TMEM259: variants seen among roughly 807,000 people sequenced by gnomAD.
TMEM259 encodes the protein membralin.
A neutral mutation model predicts 46.7 loss-of-function variants in TMEM259; 26 were observed. That is an observed-to-expected ratio of 0.56 (90% confidence interval 0.41 to 0.77). The LOEUF is 0.77. Among genes scored for constraint, TMEM259 ranks in the 30% least tolerant of loss-of-function variants. The probability of loss-of-function intolerance (pLI) is 0.00; values close to 1 mark genes in which losing one functional copy is unlikely to be tolerated. For missense variants in TMEM259, 930 were observed against 900.5 expected, an observed-to-expected ratio of 1.03 and a Z score of -0.42; for synonymous variants, 494 against 395.1, an observed-to-expected ratio of 1.25 and a Z score of -2.97.
Position 1,010,325 on chromosome 19 carries a change from G to C in TMEM259, c.*25C>G. ...GGAAGGTCAGGCCCAGCCAGCAGGG[G>C]TCAGAGGCGGCTCAGCTGTGCGGCT... is the stretch of plus-strand genomic sequence containing the variant. On this transcript the variant is annotated 3_prime_UTR_variant, in exon 11 of 11. Transcript: ENST00000356663. 1 of 1,452,226 alleles carries C rather than the reference G, an allele frequency of 6.9e-7. No individual in the cohort carries two copies. 90.0% of individuals were successfully genotyped at this position (1,452,226 alleles called of 1,614,324 possible).
intron 1 of TMEM259, among the ~76,000 whole-genome samples, chr19:1,017,615 C>G (rs1041913674): frequency 6.6e-6 from 1 of 152,170 alleles, no homozygotes; most frequent in African/African-American, 2.4e-5. Context: ...CCGTGCTCAC[C>G]GCCTCCTCCA....
At chr19:1,013,461 AC>A in intron 2 of TMEM259, 121 bp from the exon 3 acceptor site, 1 of 983,868 alleles carries the variant, frequency 1.0e-6, no homozygotes, top group Non-Finnish European at 1.5e-6. Flanking sequence ...CCCACCACTG[AC>A]CAGGCCAGGG....
Position 1,014,216 on chromosome 19 carries a change from C to T in TMEM259, c.483G>A (p.Glu161=), listed in dbSNP as rs775488868. 5.0e-6 allele frequency: 8 copies of T among 1,610,008 alleles called. No homozygotes were observed. Among genetic ancestry groups the T allele is most frequent in the Non-Finnish European group, 6.8e-6 (8 of 1,176,958 alleles). Residue 161 remains glutamate, a synonymous_variant, in exon 2 of 11, where the codon GAG becomes GAA. Coordinates refer to ENST00000356663, the MANE Select transcript of TMEM259 (RefSeq NM_001033026.2). ...CCTTGATGGAGCTGTTCCCAAACATCTCCATGGTCAGCTCTTCCTCCTCCT... is the reference window on the plus strand; with the variant it reads ...CCTTGATGGAGCTGTTCCCAAACATTTCCATGGTCAGCTCTTCCTCCTCCT... ...EDEEEEELTM[E]MFGNSSIKFE...
At chr19:1,011,239 G>A in intron 9 of TMEM259, 44 bp from the exon 10 acceptor site, 1 of 1,550,524 alleles carries the variant, frequency 6.4e-7, no homozygotes, top group Non-Finnish European at 8.7e-7. Flanking sequence ...GTCCCACCCT[G>A]CCAGGCCCAG....
In TMEM259 at chr19:1,010,421, C is replaced by A; in HGVS notation, c.1792G>T (p.Gly598Trp). 6.5e-7 allele frequency: 1 copy of A among 1,531,964 alleles called. No homozygotes were observed. The highest frequency in any genetic ancestry group is 2.4e-5 in the East Asian group (1 of 41,380). 94.9% of individuals were successfully genotyped at this position (1,531,964 alleles called of 1,614,324 possible). A position where few individuals can be genotyped will look rare whatever the true frequency, so the allele number is the denominator to read the frequency against. ...DSAASDTTPL[G>W]AAVGGPSPAS... ...GGGCTAGGCCCGCCTACCGCAGCCCCCAGGGGAGTTGTGTCAGAAGCTGCG... is the reference window on the plus strand; with the variant it reads ...GGGCTAGGCCCGCCTACCGCAGCCCACAGGGGAGTTGTGTCAGAAGCTGCG... Residue 598 changes from glycine to tryptophan, a missense_variant, in exon 11 of 11, where the codon GGG becomes TGG. Transcript: ENST00000356663.
intron 6 of TMEM259, 34 bp from the exon 7 acceptor site, chr19:1,011,832 C>A (rs1375199663): frequency 7.6e-6 from 12 of 1,586,530 alleles, no homozygotes; most frequent in Non-Finnish European, 1.0e-5. Context: ...CTATGAGGGG[C>A]TGCGAGGGCC....
chr19:1,015,223 G>A (rs1006946670), intron 1 of TMEM259, among the ~76,000 whole-genome samples: 2 of 152,222 alleles, frequency 1.3e-5, no homozygotes, highest in Non-Finnish European at 2.9e-5. Context: ...TGCCGTGCCC[G>A]AGGCACAACC....
At position 1,014,449 on chromosome 19, in the gene TMEM259, C is replaced by T. The variant is rs1267109559; in HGVS notation, c.250G>A (p.Ala84Thr). The T allele has an allele frequency of 6.2e-7, 1 of 1,610,982 alleles. No individual in the cohort carries two copies. Among genetic ancestry groups the T allele is most frequent in the Non-Finnish European group, 8.5e-7 (1 of 1,179,458 alleles). Residue 84 changes from alanine (A) to threonine (T), a missense_variant, in exon 2 of 11, where the codon GCC (alanine) becomes ACC (threonine). Ala to Thr is a moderately conservative substitution (Grantham distance 58, BLOSUM62 0). Coordinates refer to ENST00000356663, the MANE Select transcript of TMEM259 (RefSeq NM_001033026.2). ...LKALFVLFVL[A>T]YIHIVFSRSP... is the part of the protein sequence containing the mutation. ...CGGGAGAAGACGATGTGGATGTAGG[C>T]CAGGACGAAGAGCACAAACAGGGCC...
At position 1,010,697 on chromosome 19, in the gene TMEM259, A is replaced by G; in HGVS notation, c.1516T>C (p.Ser506Pro). The G allele has an allele frequency of 6.5e-7, 1 of 1,530,132 alleles. No individual in the cohort carries two copies. The highest frequency in any genetic ancestry group is 1.4e-5 in the African/African-American group (1 of 72,544). 94.8% of individuals were successfully genotyped at this position (1,530,132 alleles called of 1,614,324 possible). The change falls in exon 11 of 11, where the codon TCG becomes CCG. Residue 506 changes from serine to proline, a missense_variant. Coordinates refer to ENST00000356663, the MANE Select transcript of TMEM259 (RefSeq NM_001033026.2). ...AGQPPALGPV[S>P]PGASGSPGPV... is the part of the protein sequence containing the mutation. ...CCGGGACTCCCGCTGGCCCCAGGCG[A>G]GACGGGGCCCAGGGCGGGGGGCTGG... is the stretch of plus-strand genomic sequence containing the variant.
At chr19:1,013,430 A>T (rs2039005525) in intron 2 of TMEM259, 90 bp from the exon 3 acceptor site, 2 of 1,343,252 alleles carry the variant, frequency 1.5e-6, no homozygotes, top group Non-Finnish European at 2.1e-6. Context: ...ATGGGAAGGG[A>T]CTGGAAGCCT....
At chr19:1,014,691 G>A (rs1568405422) in intron 1 of TMEM259, among the ~76,000 whole-genome samples, 1 of 152,196 alleles carries the variant, frequency 6.6e-6, no homozygotes, top group Admixed American at 6.5e-5. Flanking sequence ...TGAGGATCCG[G>A]GGGACGCCCC....
Position 1,009,798 on chromosome 19 carries a change from C to G in TMEM259, c.*552G>C, listed in dbSNP as rs11540365. 3.3e-3 allele frequency: 1,657 copies of G among 497,648 alleles called. 11 individuals carry two copies. The highest frequency in any genetic ancestry group is 0.01 in the Middle Eastern group (19 of 1,844). The allele number at this position is 497,648 out of a possible 1,614,324, so 30.8% of individuals were successfully genotyped here. On this transcript the variant is annotated 3_prime_UTR_variant, in exon 11 of 11. Transcript: ENST00000356663. ...TCCATCCCCGAGTGGGACTGGACCA[C>G]GGCCCTGGCTGCTGCCACTGATGTT... is the stretch of plus-strand genomic sequence containing the variant.
At chr19:1,013,628 C>T in intron 2 of TMEM259, 1 of 373,522 alleles carries the variant, frequency 2.7e-6, no homozygotes, top group South Asian at 3.4e-5. Context: ...GATGCTCTGC[C>T]CAAACACTCA....
At position 1,014,403 on chromosome 19, in the gene TMEM259, T is replaced by G. The variant is rs2039040537; in HGVS notation, c.296A>C (p.Glu99Ala). Residue 99 changes from glutamate (E) to alanine (A), a missense_variant, in exon 2 of 11, where the codon GAG (glutamate) becomes GCG (alanine). By Grantham distance (107) the Glu-to-Ala change is moderately radical (BLOSUM62 -1). Coordinates refer to ENST00000356663, the MANE Select transcript of TMEM259 (RefSeq NM_001033026.2). ...ACGCGGCCACTTGTCACGCACATGC[T>G]CCAGGCAGTTGATGGGCGAGCGGGA... The part of the protein sequence containing the change: ...VFSRSPINCL[E>A]HVRDKWPREG... 1.9e-6 allele frequency: 3 copies of G among 1,612,602 alleles called. No homozygotes were observed. The highest frequency in any genetic ancestry group is 2.2e-5 in the South Asian group (2 of 91,066).
At chr19:1,011,221 G>A (rs559628751) in intron 9 of TMEM259, 26 bp from the exon 10 acceptor site, 12 of 1,563,046 alleles carry the variant, frequency 7.7e-6, no homozygotes, top group South Asian at 5.8e-5. Context: ...AGGGCGTCGG[G>A]GCTGCAGGTC....
Position 1,011,807 on chromosome 19 carries a change from G to A in TMEM259, c.943-9C>T, listed in dbSNP as rs898845386. On this transcript the variant is annotated splice_polypyrimidine_tract_variant and intron_variant, in intron 6 of 10. Coordinates refer to ENST00000356663, the MANE Select transcript of TMEM259 (RefSeq NM_001033026.2). The stretch of plus-strand genomic sequence containing the variant: ...ATGGACACGCTCAGCGTCTGCAAGG[G>A]GCGCGCAGGAAGCGCTATGAGGGGC... 5 of 1,583,682 alleles carry A rather than the reference G, an allele frequency of 3.2e-6. No individual in the cohort carries two copies. The highest frequency in any genetic ancestry group is 1.7e-4 in the Middle Eastern group (1 of 6,034).
At position 1,011,426 on chromosome 19, in the gene TMEM259, G is replaced by C; in HGVS notation, c.1158C>G (p.Leu386=). ...TAFYIILIVW[L]ADQYDAICCH... ...AGCAGATGGCGTCATACTGGTCCGCGAGCCACACGATGAGGATGATGTAGA... is the reference window on the plus strand; with the variant it reads ...AGCAGATGGCGTCATACTGGTCCGCCAGCCACACGATGAGGATGATGTAGA... Residue 386 remains leucine (L), a synonymous_variant, in exon 9 of 11, where the codon CTC becomes CTG. Coordinates refer to ENST00000356663, the MANE Select transcript of TMEM259 (RefSeq NM_001033026.2). The C allele has an allele frequency of 1.9e-6, 3 of 1,571,502 alleles. No individual in the cohort carries two copies. The highest frequency in any genetic ancestry group is 4.7e-5 in the East Asian group (2 of 42,390).
chr19:1,016,440 G>A (rs983724842), intron 1 of TMEM259, among the ~76,000 whole-genome samples: 3 of 152,338 alleles, frequency 2.0e-5, no homozygotes, highest in South Asian at 2.1e-4. Flanking sequence ...AGAGGGGCCC[G>A]CGAGGCCCAT....
intron 1 of TMEM259, among the ~76,000 whole-genome samples, chr19:1,015,866 T>C (rs1260698722): frequency 6.6e-6 from 1 of 152,132 alleles, no homozygotes; most frequent in Non-Finnish European, 1.5e-5. Flanking sequence ...CAGAACCCTC[T>C]GTAGACTGAG....
Sources: gnomAD v4.1 joint callset for allele counts (sites outside exome capture counted in the v4.1 genomes callset) on GRCh38, gnomAD v4.1.1 for gene constraint, MANE v1.5 for transcripts, NCBI Gene and HGNC (gene_info 2026-07-23, HGNC 2026-07-21) for gene names.